NGEF: variants seen among roughly 807,000 people sequenced by gnomAD.
NGEF encodes the protein ephexin-1.
In NGEF, 31 loss-of-function variants were observed where a neutral mutation model predicts 80.9. The observed-to-expected ratio is 0.38, with a 90% CI of 0.29 to 0.52. The LOEUF is 0.52. NGEF is among the 20% of genes least tolerant of loss of function. The pLI, the probability that NGEF is intolerant of heterozygous loss-of-function variation, is 0.84. For missense variants in NGEF, 709 were observed against 926.2 expected (o/e 0.77, Z 3.04); for synonymous variants, 371 against 370.2 (o/e 1.00, Z -0.03).
chr2:232,928,452 A>C (rs978201375), intron 3 of NGEF, among the ~76,000 whole-genome samples: 1 of 151,458 alleles, frequency 6.6e-6, no homozygotes, highest in Admixed American at 6.6e-5. Context: ...GGGGCGGGCG[A>C]GGCCACCCTC....
At chr2:232,947,107 A>T (rs1693576174) in intron 3 of NGEF, among the ~76,000 whole-genome samples, 1 of 152,236 alleles carries the variant, frequency 6.6e-6, no homozygotes, top group East Asian at 1.9e-4. Flanking sequence ...ATCTCAAACC[A>T]TCACTCTACA....
intron 1 of NGEF, among the ~76,000 whole-genome samples, chr2:232,979,762 C>T (rs376861982): frequency 1.4e-4 from 22 of 152,176 alleles, no homozygotes; most frequent in Non-Finnish European, 2.9e-4. Context: ...TGTCCACATT[C>T]CCTCCTTAAT....
chr2:232,950,843 G>A (rs941916099), intron 3 of NGEF, among the ~76,000 whole-genome samples: 1 of 151,626 alleles, frequency 6.6e-6, no homozygotes, highest in African/African-American at 2.4e-5. Context: ...TGTCTTTTTC[G>A]CTAACATATG....
intron 3 of NGEF, among the ~76,000 whole-genome samples, chr2:232,953,205 A>G (rs1038090632): frequency 2.0e-5 from 3 of 150,298 alleles, no homozygotes; most frequent in South Asian, 2.1e-4. Context: ...GGGAGACTGA[A>G]GCAGGAGAAT....
intron 3 of NGEF, among the ~76,000 whole-genome samples, chr2:232,930,866 A>T (rs79088315): frequency 0.13 from 19,373 of 152,218 alleles, 1,293 homozygotes; most frequent in East Asian, 0.17. Flanking sequence ...TTCCATCTTA[A>T]CAACCCAAAA....
At chr2:232,901,402 CT>C in intron 5 of NGEF, 1 of 985,562 alleles carries the variant, frequency 1.0e-6, no homozygotes, top group Non-Finnish European at 1.2e-6. Context: ...CCGTGGACCT[CT>C]GGGCCGTGCA....
At chr2:233,000,915 G>A (rs1221633768) in intron 1 of NGEF, among the ~76,000 whole-genome samples, 1 of 152,178 alleles carries the variant, frequency 6.6e-6, no homozygotes, top group Admixed American at 6.5e-5. Context: ...GGAACACTTG[G>A]ATTTCTGGTT....
intron 3 of NGEF, among the ~76,000 whole-genome samples, chr2:232,955,716 A>C (rs1407145640): frequency 6.6e-6 from 1 of 152,044 alleles, no homozygotes; most frequent in Non-Finnish European, 1.5e-5. Context: ...ACGGGGTTTC[A>C]CCATGTTGGC....
intron 4 of NGEF, among the ~76,000 whole-genome samples, chr2:232,923,212 T>C (rs1692983233): frequency 1.3e-5 from 2 of 152,176 alleles, no homozygotes; most frequent in South Asian, 4.1e-4. Flanking sequence ...CATGGGTGAA[T>C]ACTATCTTGA....
intron 10 of NGEF, among the ~76,000 whole-genome samples, chr2:232,884,508 T>C (rs1241317955): frequency 3.3e-5 from 5 of 151,910 alleles, no homozygotes; most frequent in Non-Finnish European, 7.4e-5. Context: ...ACCGTGTGTG[T>C]GCCTGTGAGT....
rs1553543028 is a variant in NGEF, at chr2:232,879,433, C to CA, written c.*55dup. The CA allele has an allele frequency of 1.5e-5, 21 of 1,418,482 alleles. 1 individual carries two copies. Among genetic ancestry groups the CA allele is most frequent in the South Asian group, 2.7e-5 (2 of 73,946 alleles). 87.9% of individuals were successfully genotyped at this position (1,418,482 alleles called of 1,614,324 possible). ...GTGCTTCCCAGAGCCCCCCCCCCCC[C>CA]ACCTTCTGTCGGGGTCTCATGCAGG... On this transcript the variant is annotated 3_prime_UTR_variant, in exon 15 of 15. Transcript: ENST00000264051.
intron 5 of NGEF, among the ~76,000 whole-genome samples, chr2:232,905,258 C>A (rs1029325112): frequency 6.6e-6 from 1 of 152,232 alleles, no homozygotes; most frequent in South Asian, 2.1e-4. Context: ...CGCGCCGCCA[C>A]GCCTGACTGG....
At chr2:232,928,260 C>CGGGGGCGCCCGGGCTGGGCGCG (rs1693133887) in intron 3 of NGEF, 1 of 753,464 alleles carries the variant, frequency 1.3e-6, no homozygotes, top group African/African-American at 1.9e-5. Context: ...GGGGCGGGGG[C>CGGGGGCGCCCGGGCTGGGCGCG]GCCCGGGCTG....
At chr2:232,960,832 C>T (rs540288506) in intron 3 of NGEF, among the ~76,000 whole-genome samples, 20 of 152,096 alleles carry the variant, frequency 1.3e-4, no homozygotes, top group Non-Finnish European at 2.5e-4. Flanking sequence ...GAGCCAAGAT[C>T]GCGCCACTGC....
chr2:233,010,333 A>G (rs1695176320), intron 1 of NGEF, among the ~76,000 whole-genome samples: 1 of 152,218 alleles, frequency 6.6e-6, no homozygotes, highest in East Asian at 1.9e-4. Flanking sequence ...TGCTATTTAG[A>G]GAACCTGGAG....
chr2:232,927,712 C>G (rs972504705), intron 3 of NGEF, among the ~76,000 whole-genome samples: 1 of 151,932 alleles, frequency 6.6e-6, no homozygotes, highest in African/African-American at 2.4e-5. Context: ...GGCCGGGGCT[C>G]AACACCCACC....
Position 232,892,329 on chromosome 2 carries a change from G to A in NGEF, c.1142+569C>T, listed in dbSNP as rs897023988. Among the ~76,000 whole-genome samples, 3 of 152,106 alleles carry A rather than the reference G, an allele frequency of 2.0e-5. No individual in the cohort carries two copies. The highest frequency in any genetic ancestry group is 4.4e-5 in the Non-Finnish European group (3 of 68,034). On this transcript the variant is annotated intron_variant, in intron 7 of 14. Transcript: ENST00000264051. This position sits in a 1 kb window ranked among gnomAD's most constrained non-coding sequence, Gnocchi z 4.0. ...GGGTGCTTCTGTGCGGAGCCAAGAC[G>A]GCCTCCCTGGCTAACCCCAGGCACT...
Position 232,920,527 on chromosome 2 carries a change from C to A in NGEF, c.585G>T (p.Arg195Ser). 2 of 1,567,450 alleles carry A rather than the reference C, an allele frequency of 1.3e-6. No individual in the cohort carries two copies. Among genetic ancestry groups the A allele is most frequent in the Non-Finnish European group, 1.7e-6 (2 of 1,153,606 alleles). ...TGTCTTCTATTTCTGCATCCTGTTG[C>A]CTCCTGGTTTCGATTTCTTGGAGAG... ...KSTLQEIETR[R>S]QQDAEIEDNT... The change falls in exon 5 of 15, where the codon AGG becomes AGT. Residue 195 changes from arginine (R) to serine (S), a missense_variant. By Grantham distance (110) the Arg-to-Ser change is moderately radical. Around this residue, in one of 2 missense-constraint regions of NGEF, gnomAD observed 283 missense variants for 303.4 expected, o/e 0.93. Transcript: ENST00000264051.
At position 232,930,895 on chromosome 2, in the gene NGEF, A is replaced by C. The variant is rs979934960; in HGVS notation, c.384-3709T>G. On this transcript the variant is annotated intron_variant, in intron 3 of 14. Transcript: ENST00000264051. ...CCCAAAAGTTTTAACTTGTTCCAGC[A>C]TCAACTCTAAAGTCTGAAGTCCGAA... Among the ~76,000 whole-genome samples the C allele has an allele frequency of 2.0e-5, 3 of 152,238 alleles. No individual in the cohort carries two copies. The East Asian group carries it at 5.8e-4, about 29-fold the overall frequency.
Sources: gnomAD v4.1 joint callset for allele counts (sites outside exome capture counted in the v4.1 genomes callset) on GRCh38, gnomAD v4.1.1 for gene constraint, gnomAD v4.1.1 regional missense constraint, Gnocchi (gnomAD v3.1) non-coding constraint, MANE v1.5 for transcripts, NCBI Gene and HGNC (gene_info 2026-07-23, HGNC 2026-07-21) for gene names.